Variants in PTPRK observed in about 807,000 individuals in gnomAD.
The protein encoded by PTPRK is protein tyrosine phosphatase receptor type K, also known as receptor-type tyrosine-protein phosphatase kappa.
PTPRK carries 75 observed loss-of-function variants against 178.0 expected under a neutral mutation model. The observed-to-expected ratio is 0.42, with a 90% CI of 0.35 to 0.51. The LOEUF is 0.51. Ranked by LOEUF, PTPRK falls within the 20% of genes least tolerant of loss-of-function variation. The probability of loss-of-function intolerance (pLI) is 0.02; values close to 1 mark genes in which losing one functional copy is unlikely to be tolerated. For synonymous variants in PTPRK, 637 were observed against 620.6 expected (o/e 1.03, Z -0.39); for missense variants, 1,441 against 1,797.8 (o/e 0.80, Z 3.59).
intron 2 of PTPRK, among the ~76,000 whole-genome samples, chr6:128,386,950 C>T (rs1250312666): frequency 6.6e-6 from 1 of 152,132 alleles, no homozygotes; most frequent in Non-Finnish European, 1.5e-5. Flanking sequence ...TGCCTGTAAT[C>T]CCAGCTACTC....
At chr6:128,507,481 T>C (rs1415962730) in intron 1 of PTPRK, among the ~76,000 whole-genome samples, 1 of 152,150 alleles carries the variant, frequency 6.6e-6, no homozygotes, top group Non-Finnish European at 1.5e-5. Flanking sequence ...TCATAATGAA[T>C]GACCAAACAG....
intron 5 of PTPRK, among the ~76,000 whole-genome samples, chr6:128,227,323 A>G (rs539103318): frequency 6.6e-6 from 1 of 152,306 alleles, no homozygotes; most frequent in South Asian, 2.1e-4. Flanking sequence ...ATGCAATGAA[A>G]CCACCAGATC....
intron 13 of PTPRK, among the ~76,000 whole-genome samples, chr6:128,035,352 G>A (rs2114813554): frequency 6.8e-6 from 1 of 146,994 alleles, no homozygotes; most frequent in East Asian, 1.9e-4. Context: ...GGTGACAAGA[G>A]TGAAACTCTG....
rs887455232 is a variant in PTPRK at position 128,432,263 on chromosome 6, GATTCC to G, written c.101-34580_101-34576del. ...GAATATTTGGATATACTTTAAATAGGATTCCATTTTTAAGTTAAAAAACCTGATAC... is the reference window on the plus strand; with the variant it reads ...GAATATTTGGATATACTTTAAATAGGATTTTTAAGTTAAAAAACCTGATAC... On this transcript the variant is annotated intron_variant, in intron 1 of 29. Transcript: ENST00000368226. 4.7e-4 allele frequency among the ~76,000 whole-genome samples: 72 copies of G among 152,278 alleles called. 1 individual carries two copies. The highest frequency in any genetic ancestry group is 1.7e-3 in the South Asian group (8 of 4,828).
intron 1 of PTPRK, among the ~76,000 whole-genome samples, chr6:128,430,733 C>A (rs1287396888): frequency 6.6e-6 from 1 of 151,936 alleles, no homozygotes; most frequent in African/African-American, 2.4e-5. Flanking sequence ...AAAAAACAAG[C>A]CACATTAGGA....
chr6:128,032,124 T>C (rs1038238573), intron 13 of PTPRK, among the ~76,000 whole-genome samples: 1 of 152,190 alleles, frequency 6.6e-6, no homozygotes, highest in African/African-American at 2.4e-5. Flanking sequence ...CTGCGACCTA[T>C]CTCTAATGTC....
chr6:128,419,675 T>C (rs1347676401), intron 1 of PTPRK, among the ~76,000 whole-genome samples: 2 of 151,100 alleles, frequency 1.3e-5, no homozygotes, highest in Non-Finnish European at 1.5e-5. Flanking sequence ...AGGAAACCAA[T>C]CTGAGAACCT....
intron 13 of PTPRK, among the ~76,000 whole-genome samples, chr6:128,013,992 C>CCATATT (rs1315198115): frequency 6.6e-6 from 1 of 151,508 alleles, no homozygotes; most frequent in East Asian, 1.9e-4. Context: ...AAAGCAAAAA[C>CCATATT]CATATTTATT....
chr6:128,176,383 T>C (rs1801079768), intron 7 of PTPRK, among the ~76,000 whole-genome samples: 3 of 151,900 alleles, frequency 2.0e-5, no homozygotes, highest in South Asian at 2.1e-4. Context: ...AATAATAACA[T>C]AGCCAAAGAA....
chr6:128,198,522 A>T (rs10447439), intron 6 of PTPRK, among the ~76,000 whole-genome samples: 1 of 152,162 alleles, frequency 6.6e-6, no homozygotes, highest in African/African-American at 2.4e-5. Flanking sequence ...TACCTAATGT[A>T]GGTGATGGGT....
At chr6:128,383,175 A>T (rs1423958467) in intron 2 of PTPRK, among the ~76,000 whole-genome samples, 1 of 152,210 alleles carries the variant, frequency 6.6e-6, no homozygotes, top group East Asian at 1.9e-4. Context: ...AAAAATCGAA[A>T]TCAGTGCTTA....
At chr6:128,396,815 C>G (rs1472853524) in intron 2 of PTPRK, among the ~76,000 whole-genome samples, 2 of 151,964 alleles carry the variant, frequency 1.3e-5, no homozygotes, top group African/African-American at 4.8e-5. Context: ...CTGACCAACA[C>G]AGTGAAACCC....
At chr6:128,150,771 G>A (rs1002329439) in intron 7 of PTPRK, among the ~76,000 whole-genome samples, 1 of 152,108 alleles carries the variant, frequency 6.6e-6, no homozygotes, top group African/African-American at 2.4e-5. Flanking sequence ...CAGATTTAAT[G>A]TCAAATCCTG....
chr6:127,998,700 C>T lies in PTPRK; in HGVS notation c.2679+20G>A. The stretch of plus-strand genomic sequence containing the variant: ...TCATAGTTAAAAATCAAATTCAATA[C>T]AGTATCAAAACTTATTCACCTCATA... On this transcript the variant is annotated intron_variant, in intron 16 of 29. Coordinates refer to ENST00000368226, the MANE Select transcript of PTPRK (RefSeq NM_002844.4). 1.3e-6 allele frequency: 2 copies of T among 1,529,176 alleles called. No homozygotes were observed. The highest frequency in any genetic ancestry group is 1.3e-5 in the South Asian group (1 of 79,762). 94.7% of individuals were successfully genotyped at this position (1,529,176 alleles called of 1,614,324 possible).
chr6:128,329,353 AT>A (rs1426931421), intron 2 of PTPRK, among the ~76,000 whole-genome samples: 25 of 149,062 alleles, frequency 1.7e-4, no homozygotes, highest in African/African-American at 6.2e-4. Flanking sequence ...ATTAGTCAGG[AT>A]TCTCCAGAGA....
intron 1 of PTPRK, among the ~76,000 whole-genome samples, chr6:128,475,342 A>G (rs1851242031): frequency 6.6e-6 from 1 of 152,114 alleles, no homozygotes; most frequent in Admixed American, 6.6e-5. Context: ...GGAGGCAGTG[A>G]ACATTTAAGA....
chr6:127,977,113 A>G, intron 25 of PTPRK, 59 bp from the exon 26 acceptor site: 1 of 1,516,884 alleles, frequency 6.6e-7, no homozygotes, highest in East Asian at 2.3e-5. Context: ...GATCGGTTGT[A>G]CAAACAGATA....
At chr6:128,086,149 C>G (rs1327837772) in intron 8 of PTPRK, among the ~76,000 whole-genome samples, 1 of 152,124 alleles carries the variant, frequency 6.6e-6, no homozygotes, top group Non-Finnish European at 1.5e-5. Context: ...ACTTATATGA[C>G]AGCTATTTCA....
At chr6:128,142,399 T>C (rs1054224633) in intron 7 of PTPRK, among the ~76,000 whole-genome samples, 2 of 152,022 alleles carry the variant, frequency 1.3e-5, no homozygotes, top group East Asian at 1.9e-4. Flanking sequence ...GGAATACATA[T>C]CATCTAGGAT....
Sources: allele counts gnomAD v4.1 joint callset (sites outside exome capture counted in the v4.1 genomes callset), GRCh38; gene constraint gnomAD v4.1.1; transcripts MANE v1.5; gene names NCBI Gene and HGNC (gene_info 2026-07-23, HGNC 2026-07-21).